The following RPGRIP1L variants were observed in gnomAD, a reference collection of about 807,000 sequenced individuals.
The protein encoded by RPGRIP1L is RPGRIP1 like, also known as protein fantom.
In RPGRIP1L, 131 loss-of-function variants were observed where a neutral mutation model predicts 160.4. The ratio of observed to expected loss-of-function variants is 0.82; its 90% CI spans 0.71 to 0.94. The LOEUF (loss-of-function observed/expected upper bound fraction) is 0.94, where lower values mean the gene tolerates loss of function less well. RPGRIP1L is among the 40% of genes least tolerant of loss of function. The pLI is 0.00. For missense variants in RPGRIP1L, 1,522 were observed against 1,535.8 expected, an observed-to-expected ratio of 0.99 and a Z score of 0.15; for synonymous variants, 510 against 515.8, an observed-to-expected ratio of 0.99 and a Z score of 0.15.
At chr16:53,607,481 A>G (rs1963761281) in intron 25 of RPGRIP1L, among the ~76,000 whole-genome samples, 1 of 152,240 alleles carries the variant, frequency 6.6e-6, no homozygotes, top group African/African-American at 2.4e-5. Context: ...GAATTAGGAA[A>G]AGAGGAAGAA....
intron 8 of RPGRIP1L, among the ~76,000 whole-genome samples, chr16:53,671,820 T>C (rs907269354): frequency 6.6e-6 from 1 of 152,168 alleles, no homozygotes; most frequent in African/African-American, 2.4e-5. Flanking sequence ...TAGAAACGTA[T>C]GCACTGCTTT....
At chr16:53,654,153 T>TG (rs1256382391) in intron 14 of RPGRIP1L, among the ~76,000 whole-genome samples, 1 of 152,122 alleles carries the variant, frequency 6.6e-6, no homozygotes, top group African/African-American at 2.4e-5. Flanking sequence ...TTTTAGTAGA[T>TG]GGGGTTTTGC....
chr16:53,695,317 TA>T (rs1413426043), intron 3 of RPGRIP1L: 1 of 695,526 alleles, frequency 1.4e-6, no homozygotes, highest in South Asian at 1.5e-5. Flanking sequence ...CAACTCAAAG[TA>T]AAAGGCCTGC....
chr16:53,666,650 C>T (rs1235763972), intron 9 of RPGRIP1L, among the ~76,000 whole-genome samples: 1 of 146,028 alleles, frequency 6.8e-6, no homozygotes, highest in Non-Finnish European at 1.5e-5. Context: ...TTATTAAAAA[C>T]ATGTACCACC....
intron 1 of RPGRIP1L, 50 bp from the exon 2 acceptor site, chr16:53,700,780 A>G: frequency 7.2e-7 from 1 of 1,388,804 alleles, no homozygotes; most frequent in Non-Finnish European, 1.0e-6. Context: ...TATTACATTA[A>G]CTATGCAATG....
At chr16:53,671,314 T>C (rs997181510) in intron 9 of RPGRIP1L, among the ~76,000 whole-genome samples, 196 bp downstream of exon 9, 1 of 152,202 alleles carries the variant, frequency 6.6e-6, no homozygotes, top group Admixed American at 6.5e-5. Context: ...TTAGTAGTGA[T>C]AGGCTACTGC....
At chr16:53,668,600 C>T (rs1490503291) in intron 9 of RPGRIP1L, among the ~76,000 whole-genome samples, 1 of 151,972 alleles carries the variant, frequency 6.6e-6, no homozygotes, top group Admixed American at 6.6e-5. Flanking sequence ...ATAAGTTTTC[C>T]AGGTTATTTG....
chr16:53,612,489 A>AC (rs756195329), intron 24 of RPGRIP1L, among the ~76,000 whole-genome samples: 122 of 131,560 alleles, frequency 9.3e-4, no homozygotes, highest in Non-Finnish European at 5.2e-4. Flanking sequence ...TCCAAATGGG[A>AC]TTTTTTTTTT....
intron 2 of RPGRIP1L, among the ~76,000 whole-genome samples, chr16:53,696,570 T>G (rs1970775890): frequency 6.6e-6 from 1 of 152,222 alleles, no homozygotes. Flanking sequence ...TTTAAGAATA[T>G]AAGATGGAAT....
intron 22 of RPGRIP1L, among the ~76,000 whole-genome samples, 185 bp from the exon 23 acceptor site, chr16:53,622,541 G>T (rs1329512750): frequency 3.3e-5 from 5 of 151,800 alleles, no homozygotes; most frequent in Non-Finnish European, 5.9e-5. Context: ...ACAACCAGAA[G>T]ACATAGCAGC....
intron 8 of RPGRIP1L, among the ~76,000 whole-genome samples, chr16:53,672,117 A>C (rs541670385): frequency 6.6e-6 from 1 of 152,286 alleles, no homozygotes; most frequent in Non-Finnish European, 1.5e-5. Flanking sequence ...ACAAACTTAC[A>C]TACTGTTTTA....
chr16:53,619,264 G>C (rs527903040), intron 23 of RPGRIP1L, 56 bp from the exon 24 acceptor site: 1 of 1,496,880 alleles, frequency 6.7e-7, no homozygotes, highest in African/African-American at 1.4e-5. Flanking sequence ...TGAACAAAAA[G>C]ATCCACTATT....
chr16:53,602,239 T>C (rs776894494), intron 26 of RPGRIP1L, 51 bp from the exon 27 acceptor site: 18 of 1,265,262 alleles, frequency 1.4e-5, no homozygotes, highest in Non-Finnish European at 2.1e-5. Flanking sequence ...AGATTTTTCT[T>C]TGGAAAGGCT....
Position 53,645,771 on chromosome 16 carries a change from A to G in RPGRIP1L, c.2537T>C (p.Val846Ala), listed in dbSNP as rs750235612. 50 of 1,614,038 alleles carry G rather than the reference A, an allele frequency of 3.1e-5. No individual in the cohort carries two copies. The highest frequency in any genetic ancestry group is 1.7e-4 in the Admixed American group (10 of 59,986). The change falls in exon 17 of 27, where the codon GTG becomes GCG. Residue 846 changes from valine to alanine, a missense_variant. Coordinates refer to ENST00000647211, the MANE Select transcript of RPGRIP1L (RefSeq NM_015272.5). ...TCGATCCAAGTCCATATTCATTGGC[A>G]CTGGGAAATACATATGATCATCAAA... ...PQFDDHMYFP[V>A]PMNMDLDRYL...
intron 6 of RPGRIP1L, among the ~76,000 whole-genome samples, chr16:53,686,201 G>T (rs564098410): frequency 6.6e-6 from 1 of 152,236 alleles, no homozygotes; most frequent in African/African-American, 2.4e-5. Flanking sequence ...ACAAGATGAG[G>T]GTGATTTCCA....
chr16:53,657,657 A>T, intron 12 of RPGRIP1L, 25 bp from the exon 13 acceptor site: 1 of 1,364,398 alleles, frequency 7.3e-7, no homozygotes. Flanking sequence ...ATGTTTTATG[A>T]CTGAAACAAA....
intron 6 of RPGRIP1L, among the ~76,000 whole-genome samples, chr16:53,682,028 A>G (rs547026413): frequency 6.6e-6 from 1 of 152,242 alleles, no homozygotes. Context: ...ATTAGTCTCA[A>G]AAAAATTGCT....
chr16:53,631,748 T>G (rs183928494), intron 22 of RPGRIP1L, among the ~76,000 whole-genome samples: 9 of 152,350 alleles, frequency 5.9e-5, no homozygotes, highest in African/African-American at 2.2e-4. Context: ...CGCCATTAAT[T>G]ATCATGCCTA....
At chr16:53,654,567 G>A (rs1197511567) in intron 14 of RPGRIP1L, among the ~76,000 whole-genome samples, 1 of 152,042 alleles carries the variant, frequency 6.6e-6, no homozygotes, top group Non-Finnish European at 1.5e-5. Context: ...GATTTTCTTA[G>A]CTTTACACTC....
Sources: gnomAD v4.1 joint callset for allele counts (sites outside exome capture counted in the v4.1 genomes callset) on GRCh38, gnomAD v4.1.1 for gene constraint, MANE v1.5 for transcripts, NCBI Gene and HGNC (gene_info 2026-07-23, HGNC 2026-07-21) for gene names.